Variants in ICAM5 observed in about 807,000 individuals in gnomAD.
ICAM5 encodes the protein ICAM-5.
In ICAM5, 38 loss-of-function variants were observed where a neutral mutation model predicts 78.8. The ratio of observed to expected loss-of-function variants is 0.48; its 90% confidence interval spans 0.37 to 0.63. The LOEUF (loss-of-function observed/expected upper bound fraction) is 0.63. Among genes scored for constraint, ICAM5 ranks in the 30% least tolerant of loss-of-function variants. ICAM5 has a pLI of 0.00. For missense variants in ICAM5, 1,059 were observed against 1,303.0 expected (o/e 0.81, Z 2.88); for synonymous variants, 544 against 590.9 (o/e 0.92, Z 1.15).
Position 10,294,143 on chromosome 19 carries a change from C to T in ICAM5, c.1815C>T (p.Ser605=), listed in dbSNP as rs778053270. 1 of 1,610,172 alleles carries T rather than the reference C, an allele frequency of 6.2e-7. No homozygotes were observed. Among genetic ancestry groups the T allele is most frequent in the Admixed American group, 1.7e-5 (1 of 58,528 alleles). The change falls in exon 8 of 11, where the codon AGC becomes AGT. Residue 605 remains serine, a synonymous_variant. Coordinates refer to ENST00000221980, the MANE Select transcript of ICAM5 (RefSeq NM_003259.4). This position sits in a 1 kb window ranked among gnomAD's most constrained non-coding sequence, Gnocchi z 7.7. ...SCEVDGKPQP[S]VKCVGSGGAT... ...AGGTCGATGGGAAGCCACAGCCAAGCGTGAAGTGCGTGGGCTCCGGGGGCG... is the reference window on the plus strand; with the variant it reads ...AGGTCGATGGGAAGCCACAGCCAAGTGTGAAGTGCGTGGGCTCCGGGGGCG...
Position 10,294,439 on chromosome 19 carries a change from C to T in ICAM5, c.2029C>T (p.Gln677Ter). The T allele has an allele frequency of 6.2e-7, 1 of 1,611,394 alleles. No homozygotes were observed. The highest frequency in any genetic ancestry group is 1.1e-5 in the South Asian group (1 of 90,920). ...EMDESTCPSH[Q>*]TWLEGAEASA... ...GGATGAATCTACCTGCCCAAGTCAC[C>T]AGACGTGGCTGGAAGGGGCTGAGGC... is the stretch of plus-strand genomic sequence containing the variant. The change falls in exon 9 of 11, where the codon CAG becomes TAG. Residue 677 changes from glutamine to a stop codon, truncating the protein, a stop_gained. Transcript: ENST00000221980. LOFTEE classifies it high-confidence loss of function. This position sits in a 1 kb window ranked among gnomAD's most constrained non-coding sequence, Gnocchi z 7.7.
Position 10,296,415 on chromosome 19 carries a change from C to A in ICAM5, c.2574C>A (p.Phe858Leu). The A allele has an allele frequency of 2.3e-6, 3 of 1,300,414 alleles. No homozygotes were observed. Among genetic ancestry groups the A allele is most frequent in the Non-Finnish European group, 3.0e-6 (3 of 1,014,950 alleles). The allele number at this position is 1,300,414 out of a possible 1,614,324, so 80.6% of individuals were successfully genotyped here. ...TGGCCGCGGGGGCCGGCCTGGCCTT[C>A]TACGTGCAGTCCACCGCCTGCAAGA... ...ALLAAGAGLA[F>L]YVQSTACKKG... Residue 858 changes from phenylalanine to leucine, a missense_variant, in exon 11 of 11, where the codon TTC becomes TTA. By Grantham distance (22) the Phe-to-Leu change is conservative (BLOSUM62 0). This residue lies in a region of ICAM5 where 109 missense variants were observed against 120.0 expected (regional missense o/e 0.91). Transcript: ENST00000221980.
chr19:10,295,463 C>T lies in ICAM5; in HGVS notation c.2348C>T (p.Ala783Val), dbSNP rs1198794525. 1.3e-6 allele frequency: 2 copies of T among 1,594,428 alleles called. No homozygotes were observed. The highest frequency in any genetic ancestry group is 1.7e-6 in the Non-Finnish European group (2 of 1,172,494). ...CCTCCAGCCCAGATCAGCTGGCGCG[C>T]GCCCCCGGGGGCCCTCAACATCGGC... ...AWPPAQISWR[A>V]PPGALNIGLS... Residue 783 changes from alanine (A) to valine (V), a missense_variant, in exon 10 of 11, where the codon GCG becomes GTG. By Grantham distance (64) the Ala-to-Val change is moderately conservative (BLOSUM62 0). Transcript: ENST00000221980.
intron 10 of ICAM5, 92 bp downstream of exon 10, chr19:10,295,704 G>C: frequency 1.5e-6 from 2 of 1,372,564 alleles, no homozygotes; most frequent in Non-Finnish European, 1.9e-6. Flanking sequence ...CCTCCCTCTC[G>C]GTCCCGGTAG....
Position 10,293,112 on chromosome 19 carries a change from C to A in ICAM5, c.1331C>A (p.Ala444Glu), listed in dbSNP as rs202091893. Residue 444 changes from alanine to glutamate, a missense_variant, in exon 6 of 11, where the codon GCG becomes GAG. Ala to Glu is a moderately radical substitution (Grantham distance 107, BLOSUM62 -1). Transcript: ENST00000221980. The surrounding 1 kb of genome is among the most constrained non-coding windows in gnomAD (Gnocchi z 5.0). ...AACCCAGAACCCTCAGTGCACTGTG[C>A]GCGCTCCGACGGCGGGGCCGTGCTG... ...RGNPEPSVHCARSDGGAVLAL... is the reference protein window; with the variant it reads ...RGNPEPSVHCERSDGGAVLAL... 1 of 1,609,004 alleles carries A rather than the reference C, an allele frequency of 6.2e-7. No individual in the cohort carries two copies. Among genetic ancestry groups the A allele is most frequent in the South Asian group, 1.1e-5 (1 of 90,854 alleles).
chr19:10,291,785 G>GC lies in ICAM5; in HGVS notation c.654dup (p.Arg219GlnfsTer56). On this transcript the variant is annotated frameshift_variant, in exon 3 of 11. Transcript: ENST00000221980. LOFTEE classifies it high-confidence loss of function. ...ACTGGGACTGTTTGAAAACAGCTCG[G>GC]CCCCCAGAGAGCTCCGAACCTTCTG... is the stretch of plus-strand genomic sequence containing the variant. 1 of 1,611,298 alleles carries GC rather than the reference G, an allele frequency of 6.2e-7. No individual in the cohort carries two copies. Among genetic ancestry groups the GC allele is most frequent in the Non-Finnish European group, 8.5e-7 (1 of 1,179,468 alleles).
At position 10,293,233 on chromosome 19, in the gene ICAM5, G is replaced by C. The variant is rs773640360; in HGVS notation, c.1452G>C (p.Thr484=). 18 of 1,584,406 alleles carry C rather than the reference G, an allele frequency of 1.1e-5. No individual in the cohort carries two copies. The highest frequency in any genetic ancestry group is 8.1e-5 in the African/African-American group (6 of 74,048). Reference sequence around the variant, plus strand: ...AAGGCGAGGCGGTCAAGGACGTAACGCTAACGGTGGAGTGTGAGTGGGGGT... The same window carrying C: ...AAGGCGAGGCGGTCAAGGACGTAACCCTAACGGTGGAGTGTGAGTGGGGGT... ...NDQGEAVKDV[T]LTVEYAPALD... Residue 484 remains threonine (T), a synonymous_variant, in exon 6 of 11, where the codon ACG becomes ACC. Transcript: ENST00000221980. This position sits in a 1 kb window ranked among gnomAD's most constrained non-coding sequence, Gnocchi z 5.0.
Position 10,294,330 on chromosome 19 carries a change from C to T in ICAM5, c.1990+12C>T, listed in dbSNP as rs1398394527. On this transcript the variant is annotated intron_variant, in intron 8 of 10. Transcript: ENST00000221980. This position sits in a 1 kb window ranked among gnomAD's most constrained non-coding sequence, Gnocchi z 7.7. ...CGTGAGCGCGGAGTGTGAGCGAGGCCCAGGCGGGTAGGGAGCAGGGGTGCC... is the reference window on the plus strand; with the variant it reads ...CGTGAGCGCGGAGTGTGAGCGAGGCTCAGGCGGGTAGGGAGCAGGGGTGCC... 1 of 1,611,966 alleles carries T rather than the reference C, an allele frequency of 6.2e-7. No individual in the cohort carries two copies. Among genetic ancestry groups the T allele is most frequent in the Non-Finnish European group, 8.5e-7 (1 of 1,179,170 alleles).
chr19:10,294,567 C>A lies in ICAM5; in HGVS notation c.2157C>A (p.Asp719Glu). ...WPEQQRVSREDAGTYHCVATN... is the reference protein window; with the variant it reads ...WPEQQRVSREEAGTYHCVATN... The stretch of plus-strand genomic sequence containing the variant: ...AGCAGCAGCGCGTGTCCCGAGAGGA[C>A]GCGGGCACTTACCACTGTGTGGCCA... The change falls in exon 9 of 11, where the codon GAC becomes GAA. Residue 719 changes from aspartate to glutamate, a missense_variant. By Grantham distance (45) the Asp-to-Glu change is conservative (BLOSUM62 2). Coordinates refer to ENST00000221980, the MANE Select transcript of ICAM5 (RefSeq NM_003259.4). This position sits in a 1 kb window ranked among gnomAD's most constrained non-coding sequence, Gnocchi z 7.7. 6.2e-7 allele frequency: 1 copy of A among 1,610,214 alleles called. No individual in the cohort carries two copies. The highest frequency in any genetic ancestry group is 8.5e-7 in the Non-Finnish European group (1 of 1,178,758).
Position 10,293,126 on chromosome 19 carries a change from G to A in ICAM5, c.1345G>A (p.Gly449Arg). ...AGTGCACTGTGCGCGCTCCGACGGC[G>A]GGGCCGTGCTGGCTCTGGGCCTGCT... ...PSVHCARSDG[G>R]AVLALGLLGP... Residue 449 changes from glycine (G) to arginine (R), a missense_variant, in exon 6 of 11, where the codon GGG becomes AGG. Coordinates refer to ENST00000221980, the MANE Select transcript of ICAM5 (RefSeq NM_003259.4). The surrounding 1 kb of genome is among the most constrained non-coding windows in gnomAD (Gnocchi z 5.0). The A allele has an allele frequency of 6.2e-7, 1 of 1,609,374 alleles. No individual in the cohort carries two copies. The highest frequency in any genetic ancestry group is 8.5e-7 in the Non-Finnish European group (1 of 1,178,068).
intron 5 of ICAM5, 62 bp downstream of exon 5, chr19:10,292,928 C>T (rs1046831133): frequency 4.4e-6 from 7 of 1,606,954 alleles, no homozygotes; most frequent in African/African-American, 2.7e-5. Context: ...CCGCCTGCTC[C>T]CTCACCGTGT....
In ICAM5 at chr19:10,292,157, C is replaced by A. The variant is rs1275987563; in HGVS notation, c.796C>A (p.Leu266Met). 1 of 1,613,306 alleles carries A rather than the reference C, an allele frequency of 6.2e-7. No individual in the cohort carries two copies. The highest frequency in any genetic ancestry group is 1.3e-5 in the African/African-American group (1 of 74,942). The change falls in exon 4 of 11, where the codon CTG becomes ATG. Residue 266 changes from leucine (L) to methionine (M), a missense_variant. Transcript: ENST00000221980. Reference sequence around the variant, plus strand: ...CTCAGAGGCCAGGGTCTACCTCGCACTGGGGGACCAGAATCTGAGTCCTGA... The same window carrying A: ...CTCAGAGGCCAGGGTCTACCTCGCAATGGGGGACCAGAATCTGAGTCCTGA... ...PASEARVYLA[L>M]GDQNLSPDVT...
At position 10,293,074 on chromosome 19, in the gene ICAM5, C is replaced by T. The variant is rs376017558; in HGVS notation, c.1293C>T (p.Cys431=). The T allele has an allele frequency of 2.5e-6, 4 of 1,609,968 alleles. No homozygotes were observed. In the African/African-American group the frequency reaches 5.3e-5, roughly 21 times the overall value. ...WPEGPEQTLR[C]EARGNPEPSV... ...AGGGCCCAGAGCAGACGCTGCGCTG[C>T]GAGGCCCGCGGGAACCCAGAACCCT... is the stretch of plus-strand genomic sequence containing the variant. The change falls in exon 6 of 11, where the codon TGC becomes TGT. Residue 431 remains cysteine (C), a synonymous_variant. Coordinates refer to ENST00000221980, the MANE Select transcript of ICAM5 (RefSeq NM_003259.4). The surrounding 1 kb of genome is among the most constrained non-coding windows in gnomAD (Gnocchi z 5.0).
chr19:10,295,384 G>A lies in ICAM5; in HGVS notation c.2269G>A (p.Gly757Arg), dbSNP rs759588861. 1.8e-5 allele frequency: 29 copies of A among 1,594,220 alleles called. No homozygotes were observed. Among genetic ancestry groups the A allele is most frequent in the Non-Finnish European group, 2.5e-5 (29 of 1,172,796 alleles). ...VVAELAASPP[G>R]GVRPGGNFTL... ...GGCCGAACTTGCTGCCTCGCCCCCT[G>A]GAGGCGTGCGCCCAGGAGGAAACTT... Residue 757 changes from glycine to arginine, a missense_variant, in exon 10 of 11, where the codon GGA (glycine) becomes AGA (arginine). This residue lies in a region of ICAM5 where 135 missense variants were observed against 230.2 expected (regional missense o/e 0.59). Coordinates refer to ENST00000221980, the MANE Select transcript of ICAM5 (RefSeq NM_003259.4).
Position 10,293,994 on chromosome 19 carries a change from T to G in ICAM5, c.1712-46T>G. The G allele has an allele frequency of 2.5e-6, 4 of 1,595,278 alleles. No homozygotes were observed. Among genetic ancestry groups the G allele is most frequent in the Non-Finnish European group, 3.4e-6 (4 of 1,167,908 alleles). On this transcript the variant is annotated intron_variant, in intron 7 of 10. Transcript: ENST00000221980. This position sits in a 1 kb window ranked among gnomAD's most constrained non-coding sequence, Gnocchi z 5.0. ...GCAGGATCTGTGGGACAACCCCGGCTGGACTTCCTGGCCCCCGTGTGAGCC... is the reference window on the plus strand; with the variant it reads ...GCAGGATCTGTGGGACAACCCCGGCGGGACTTCCTGGCCCCCGTGTGAGCC...
Position 10,293,561 on chromosome 19 carries a change from C to A in ICAM5, c.1466-137C>A, listed in dbSNP as rs962324378. 16 of 1,249,750 alleles carry A rather than the reference C, an allele frequency of 1.3e-5. No individual in the cohort carries two copies. The highest frequency in any genetic ancestry group is 1.2e-4 in the East Asian group (5 of 41,342). 77.4% of individuals were successfully genotyped at this position (1,249,750 alleles called of 1,614,324 possible). On this transcript the variant is annotated intron_variant, in intron 6 of 10. Transcript: ENST00000221980. This position sits in a 1 kb window ranked among gnomAD's most constrained non-coding sequence, Gnocchi z 5.0. ...CAGACAGAGTGCATGCCTCGACTAGCGTGACACCTCCTTGGATCGGCGTCC... is the reference window on the plus strand; with the variant it reads ...CAGACAGAGTGCATGCCTCGACTAGAGTGACACCTCCTTGGATCGGCGTCC...
Position 10,290,071 on chromosome 19 carries a change from C to G in ICAM5, c.28C>G (p.Arg10Gly), listed in dbSNP as rs369637122. 6.5e-7 allele frequency: 1 copy of G among 1,543,232 alleles called. No individual in the cohort carries two copies. The change falls in exon 1 of 11, where the codon CGG becomes GGG. Residue 10 changes from arginine to glycine, a missense_variant. By Grantham distance (125) the Arg-to-Gly change is moderately radical (BLOSUM62 -2). Transcript: ENST00000221980. This position sits in a 1 kb window ranked among gnomAD's most constrained non-coding sequence, Gnocchi z 5.7. ...GCCAGGGCCTTCGCCAGGGCTGCGC[C>G]GGGCGCTACTCGGCCTCTGGGCTGC... MPGPSPGLR[R>G]ALLGLWAALG... is the part of the protein sequence containing the mutation.
At position 10,291,170 on chromosome 19, in the gene ICAM5, C is replaced by T. The variant is rs11669397; in HGVS notation, c.181C>T (p.Arg61Trp). The change falls in exon 2 of 11, where the codon CGG (arginine) becomes TGG (tryptophan). Residue 61 changes from arginine to tryptophan, a missense_variant. By Grantham distance (101) the Arg-to-Trp change is moderately radical. Around this residue, in one of 3 missense-constraint regions of ICAM5, gnomAD observed 815 missense variants for 952.8 expected, o/e 0.86. Transcript: ENST00000221980. ...LWLNCSTNCP[R>W]PERGGLETSL... ...GCTGAATTGCAGCACCAACTGCCCT[C>T]GGCCGGAGCGCGGTGGCCTGGAGAC... 1 of 1,612,242 alleles carries T rather than the reference C, an allele frequency of 6.2e-7. No homozygotes were observed. Among genetic ancestry groups the T allele is most frequent in the Non-Finnish European group, 8.5e-7 (1 of 1,179,854 alleles).
rs2040207866 is a variant in ICAM5 at position 10,294,871 on chromosome 19, G to A, written c.2230+231G>A. 6.6e-6 allele frequency among the ~76,000 whole-genome samples: 1 copy of A among 152,142 alleles called. No homozygotes were observed. Among genetic ancestry groups the A allele is most frequent in the South Asian group, 2.1e-4 (1 of 4,826 alleles). On this transcript the variant is annotated intron_variant, in intron 9 of 10. Coordinates refer to ENST00000221980, the MANE Select transcript of ICAM5 (RefSeq NM_003259.4). This position sits in a 1 kb window ranked among gnomAD's most constrained non-coding sequence, Gnocchi z 7.7. Reference sequence around the variant, plus strand: ...ACTTGAGGCCAGGAGTTCGAGACCAGCCCGGCCAACATGGCGAAAACCCGT... The same window carrying A: ...ACTTGAGGCCAGGAGTTCGAGACCAACCCGGCCAACATGGCGAAAACCCGT...
Sources: gnomAD v4.1 joint callset for allele counts (sites outside exome capture counted in the v4.1 genomes callset) on GRCh38, gnomAD v4.1.1 for gene constraint, gnomAD v4.1.1 regional missense constraint, Gnocchi (gnomAD v3.1) non-coding constraint, MANE v1.5 for transcripts, NCBI Gene and HGNC (gene_info 2026-07-23, HGNC 2026-07-21) for gene names.